Variants in LOXHD1 observed in about 807,000 individuals in gnomAD.
The protein encoded by LOXHD1 is lipoxygenase homology domain-containing protein 1.
Under a neutral mutation model 248.2 loss-of-function variants are expected in LOXHD1, and 205 were observed. The ratio of observed to expected loss-of-function variants is 0.83; its 90% CI spans 0.74 to 0.93. The LOEUF is 0.93. Ranked by LOEUF, LOXHD1 falls within the 40% of genes least tolerant of loss-of-function variation. The probability of loss-of-function intolerance (pLI) is 0.00; values close to 1 mark genes in which losing one functional copy is unlikely to be tolerated. For synonymous variants in LOXHD1, 1,113 were observed against 1,162.8 expected (o/e 0.96, Z 0.87); for missense variants, 2,930 against 2,971.6 (o/e 0.99, Z 0.33).
intron 1 of LOXHD1, among the ~76,000 whole-genome samples, chr18:46,655,476 T>A (rs938138155): frequency 2.6e-5 from 4 of 152,118 alleles, no homozygotes; most frequent in Non-Finnish European, 4.4e-5. Context: ...CTGGGGAGAA[T>A]CACCTGGGAA....
chr18:46,653,695 T>C (rs772631619), intron 1 of LOXHD1, among the ~76,000 whole-genome samples: 1 of 152,168 alleles, frequency 6.6e-6, no homozygotes, highest in Non-Finnish European at 1.5e-5. Context: ...AATCAATGAA[T>C]AAATATGGAA....
In LOXHD1 at chr18:46,579,847, T is replaced by TG; in HGVS notation, c.1655-64dup. 10 of 1,505,328 alleles carry TG rather than the reference T, an allele frequency of 6.6e-6. No homozygotes were observed. The South Asian group carries it at 1.0e-4, about 16-fold the overall frequency. The allele number at this position is 1,505,328 out of a possible 1,614,324, so 93.2% of individuals were successfully genotyped here. ...CCCTGCTTCCCATCCCTAGCCCTGCTGCTCCCACTTCTAAGCTCTGATTCC... is the reference window on the plus strand; with the variant it reads ...CCCTGCTTCCCATCCCTAGCCCTGCTGGCTCCCACTTCTAAGCTCTGATTCC... On this transcript the variant is annotated intron_variant, in intron 12 of 40. Coordinates refer to ENST00000642948, the MANE Select transcript of LOXHD1 (RefSeq NM_001384474.1).
Position 46,569,559 on chromosome 18 carries a change from A to G in LOXHD1, c.2127T>C (p.Tyr709=). The change falls in exon 16 of 41, where the codon TAT becomes TAC. Residue 709 remains tyrosine (Y), a synonymous_variant. Coordinates refer to ENST00000642948, the MANE Select transcript of LOXHD1 (RefSeq NM_001384474.1). ...STDSRVYIKL[Y]GDKSDTIKQV... ...GCTTGATGGTGTCAGATTTATCCCC[A>G]TAGAGCTTGATGTAGACTCTAGAAT... 6.4e-7 allele frequency: 1 copy of G among 1,551,808 alleles called. No individual in the cohort carries two copies. The highest frequency in any genetic ancestry group is 1.2e-5 in the South Asian group (1 of 84,064).
At position 46,566,354 on chromosome 18, in the gene LOXHD1, C is replaced by T; in HGVS notation, c.2340G>A (p.Gln780=). ...VQIRVPRQGK[Q]YTFPANRWLD... ...GCCAGCGGTTGGCGGGAAAGGTGTA[C>T]TGCTTGCCTTGACGGGGCACACGGA... is the stretch of plus-strand genomic sequence containing the variant. The change falls in exon 17 of 41, where the codon CAG becomes CAA. Residue 780 remains glutamine (Q), a synonymous_variant. Coordinates refer to ENST00000642948, the MANE Select transcript of LOXHD1 (RefSeq NM_001384474.1). 1 of 1,551,820 alleles carries T rather than the reference C, an allele frequency of 6.4e-7. No individual in the cohort carries two copies. Among genetic ancestry groups the T allele is most frequent in the Non-Finnish European group, 8.7e-7 (1 of 1,147,028 alleles).
At chr18:46,589,604 T>C (rs2038128106) in intron 12 of LOXHD1, among the ~76,000 whole-genome samples, 1 of 152,198 alleles carries the variant, frequency 6.6e-6, no homozygotes, top group South Asian at 2.1e-4. Context: ...CTAATCAGCA[T>C]AGCTGGTGGT....
intron 18 of LOXHD1, among the ~76,000 whole-genome samples, chr18:46,562,039 C>T (rs2037539874): frequency 1.3e-5 from 2 of 152,244 alleles, no homozygotes; most frequent in Admixed American, 6.5e-5. Context: ...AGTGCATTCC[C>T]TGACATTGAC....
At chr18:46,593,923 A>G (rs1469752433) in intron 9 of LOXHD1, among the ~76,000 whole-genome samples, 163 bp from the exon 10 acceptor site, 1 of 152,216 alleles carries the variant, frequency 6.6e-6, no homozygotes, top group Non-Finnish European at 1.5e-5. Context: ...TTAGAAAGCT[A>G]AGGATTCCTT....
chr18:46,510,897 T>C (rs1054814116), intron 34 of LOXHD1, among the ~76,000 whole-genome samples: 1 of 152,216 alleles, frequency 6.6e-6, no homozygotes, highest in Non-Finnish European at 1.5e-5. Flanking sequence ...TAATGGAAAC[T>C]GTAAGGAGGT....
chr18:46,482,569 G>C (rs146181613), intron 40 of LOXHD1, among the ~76,000 whole-genome samples: 16 of 152,360 alleles, frequency 1.1e-4, no homozygotes, highest in South Asian at 2.1e-4. Flanking sequence ...AGTCTGAGCA[G>C]AGGTCAGAAC....
intron 26 of LOXHD1, among the ~76,000 whole-genome samples, chr18:46,536,937 G>T (rs1052746174): frequency 6.6e-6 from 1 of 152,140 alleles, no homozygotes; most frequent in South Asian, 2.1e-4. Flanking sequence ...CTCCTTCAGG[G>T]TCTCCTGCGC....
At chr18:46,559,342 A>T (rs2037458780) in intron 20 of LOXHD1, 106 bp downstream of exon 20, 1 of 1,548,296 alleles carries the variant, frequency 6.5e-7, no homozygotes, top group Admixed American at 2.0e-5. Context: ...TGAACAAGTC[A>T]CACTGCCAAA....
At chr18:46,652,450 A>G (rs1466070880) in intron 1 of LOXHD1, among the ~76,000 whole-genome samples, 1 of 152,266 alleles carries the variant, frequency 6.6e-6, no homozygotes, top group African/African-American at 2.4e-5. Flanking sequence ...TAGCCAATAG[A>G]CATATGGAAA....
intron 20 of LOXHD1, 117 bp from the exon 21 acceptor site, chr18:46,557,606 G>A (rs1347205471): frequency 1.6e-6 from 2 of 1,216,030 alleles, no homozygotes; most frequent in Non-Finnish European, 1.2e-6. Flanking sequence ...GAGACCCAAA[G>A]CAACCAGGAG....
At chr18:46,646,799 T>A (rs991892196) in intron 2 of LOXHD1, among the ~76,000 whole-genome samples, 5 of 152,230 alleles carry the variant, frequency 3.3e-5, no homozygotes, top group African/African-American at 1.2e-4. Context: ...GTCTGTCCCT[T>A]TAAAGTCTCG....
chr18:46,614,419 C>T (rs925818615), intron 5 of LOXHD1, among the ~76,000 whole-genome samples: 6 of 151,642 alleles, frequency 4.0e-5, no homozygotes, highest in Non-Finnish European at 7.4e-5. Flanking sequence ...GTCCTTTTTA[C>T]GGACGTGGAT....
At chr18:46,502,086 T>C (rs1395961822) in intron 37 of LOXHD1, among the ~76,000 whole-genome samples, 1 of 152,228 alleles carries the variant, frequency 6.6e-6, no homozygotes, top group Non-Finnish European at 1.5e-5. Context: ...ATTTTAAATA[T>C]TTTGAATTGC....
intron 14 of LOXHD1, among the ~76,000 whole-genome samples, chr18:46,575,718 C>T (rs973492806): frequency 2.0e-5 from 3 of 152,162 alleles, no homozygotes; most frequent in South Asian, 2.1e-4. Flanking sequence ...TTCTGGCCTC[C>T]GAAACTGTGA....
At chr18:46,487,890 T>C (rs1465056862) in intron 38 of LOXHD1, among the ~76,000 whole-genome samples, 1 of 152,140 alleles carries the variant, frequency 6.6e-6, no homozygotes, top group Non-Finnish European at 1.5e-5. Flanking sequence ...TATTCCCTTT[T>C]GCTACAGCCA....
chr18:46,545,655 A>G (rs1598966594), intron 22 of LOXHD1, among the ~76,000 whole-genome samples: 2 of 52,732 alleles, frequency 3.8e-5, no homozygotes, highest in Non-Finnish European at 7.0e-5. Flanking sequence ...TTTGAGACGG[A>G]GTCTCGCTCT....
Sources: gnomAD v4.1 joint callset for allele counts (sites outside exome capture counted in the v4.1 genomes callset) on GRCh38, gnomAD v4.1.1 for gene constraint, MANE v1.5 for transcripts, NCBI Gene and HGNC (gene_info 2026-07-23, HGNC 2026-07-21) for gene names.